Variants in FRMD4A observed in about 807,000 individuals in gnomAD.
FRMD4A encodes FERM domain containing 4A, also known as FERM domain-containing protein 4A.
A neutral mutation model predicts 129.1 loss-of-function variants in FRMD4A; 29 were observed. The ratio of observed to expected loss-of-function variants is 0.22; its 90% CI spans 0.17 to 0.31. The LOEUF is 0.31. FRMD4A is among the 10% of genes least tolerant of loss of function. The pLI is 1.00. For missense variants in FRMD4A, 1,272 were observed against 1,375.8 expected, an observed-to-expected ratio of 0.92 and a Z score of 1.19; for synonymous variants, 634 against 571.6, an observed-to-expected ratio of 1.11 and a Z score of -1.56.
intron 2 of FRMD4A, among the ~76,000 whole-genome samples, chr10:14,056,600 T>G (rs1359657735): frequency 1.3e-5 from 2 of 152,138 alleles, no homozygotes; most frequent in East Asian, 3.9e-4. Flanking sequence ...GGCCCCAGTA[T>G]TTCTCCAGTC....
At chr10:14,126,512 C>T (rs116397890) in intron 2 of FRMD4A, among the ~76,000 whole-genome samples, 1,665 of 152,222 alleles carry the variant, frequency 0.011, 34 homozygotes, top group African/African-American at 0.037. Context: ...CCAGTCCCTC[C>T]GCTTTCTCCA....
intron 14 of FRMD4A, 39 bp from the exon 15 acceptor site, chr10:13,694,078 C>T (rs769948816): frequency 1.3e-6 from 2 of 1,487,656 alleles, no homozygotes; most frequent in Non-Finnish European, 1.8e-6. Flanking sequence ...AAGTGACGCT[C>T]ACCTTGCGGA....
intron 2 of FRMD4A, among the ~76,000 whole-genome samples, chr10:14,232,802 A>T (rs758198196): frequency 6.6e-6 from 1 of 152,222 alleles, no homozygotes; most frequent in Admixed American, 6.5e-5. Context: ...GAAGTTGGTT[A>T]TCAGATCTAA....
chr10:14,028,142 G>A lies in FRMD4A; in HGVS notation c.46-169230C>T, dbSNP rs75094407. Reference sequence around the variant, plus strand: ...CTAACTACCTGTTATATATTTTTTTGATAATTATGGGGACATTTTATTAAT... The same window carrying A: ...CTAACTACCTGTTATATATTTTTTTAATAATTATGGGGACATTTTATTAAT... On this transcript the variant is annotated intron_variant, in intron 2 of 24. Coordinates refer to ENST00000357447, the MANE Select transcript of FRMD4A (RefSeq NM_018027.5). 7.4e-3 allele frequency among the ~76,000 whole-genome samples: 1,123 copies of A among 152,194 alleles called. 51 individuals carry two copies. The East Asian group carries it at 0.1, about 14-fold the overall frequency.
chr10:14,105,469 T>G (rs537929421), intron 2 of FRMD4A, among the ~76,000 whole-genome samples: 1 of 152,296 alleles, frequency 6.6e-6, no homozygotes, highest in East Asian at 1.9e-4. Flanking sequence ...ATAAAATTAT[T>G]AATGGAGTTA....
chr10:14,276,323 C>A (rs1334471440), intron 2 of FRMD4A, among the ~76,000 whole-genome samples: 1 of 152,238 alleles, frequency 6.6e-6, no homozygotes, highest in Non-Finnish European at 1.5e-5. Flanking sequence ...TACGTGTGAC[C>A]AGCTTCATGA....
At chr10:14,115,883 T>C (rs1465420654) in intron 2 of FRMD4A, among the ~76,000 whole-genome samples, 1 of 152,208 alleles carries the variant, frequency 6.6e-6, no homozygotes, top group Non-Finnish European at 1.5e-5. Context: ...GCAATGCAAA[T>C]GGACTAAGAC....
chr10:14,327,838 C>A (rs532546457), intron 2 of FRMD4A, among the ~76,000 whole-genome samples: 1 of 152,182 alleles, frequency 6.6e-6, no homozygotes, highest in Non-Finnish European at 1.5e-5. Context: ...TGAGCAGACA[C>A]GCGATAAATA....
chr10:13,988,968 C>T (rs975881938), intron 2 of FRMD4A, among the ~76,000 whole-genome samples: 3 of 152,210 alleles, frequency 2.0e-5, no homozygotes, highest in African/African-American at 7.2e-5. Flanking sequence ...GTAAAACCCC[C>T]AGATGATTCC....
intron 2 of FRMD4A, among the ~76,000 whole-genome samples, chr10:14,098,692 G>A (rs1375164880): frequency 6.6e-6 from 1 of 152,138 alleles, no homozygotes; most frequent in African/African-American, 2.4e-5. Context: ...ACAGGTGTGA[G>A]CCACCGCGCC....
chr10:13,691,333 G>A (rs193104537), intron 15 of FRMD4A, among the ~76,000 whole-genome samples: 156 of 152,310 alleles, frequency 1.0e-3, no homozygotes, highest in Admixed American at 2.1e-3. Context: ...ATCTCAGGAG[G>A]TTTGGGGCTC....
intron 2 of FRMD4A, among the ~76,000 whole-genome samples, chr10:14,075,447 T>G (rs942782569): frequency 3.9e-5 from 6 of 152,194 alleles, no homozygotes; most frequent in African/African-American, 1.4e-4. Flanking sequence ...TTACGTAGCC[T>G]TCCTGGGCAC....
intron 2 of FRMD4A, among the ~76,000 whole-genome samples, chr10:13,869,356 G>C (rs1483001822): frequency 2.0e-5 from 3 of 152,248 alleles, no homozygotes; most frequent in African/African-American, 7.2e-5. Flanking sequence ...CCTACCCACA[G>C]CTCAGTTGTG....
intron 2 of FRMD4A, among the ~76,000 whole-genome samples, chr10:13,870,520 G>C (rs367766173): frequency 6.6e-6 from 1 of 152,160 alleles, no homozygotes; most frequent in Non-Finnish European, 1.5e-5. Context: ...TCTCCTCTAC[G>C]CCATGCATTC....
intron 6 of FRMD4A, among the ~76,000 whole-genome samples, chr10:13,764,495 C>T (rs1473199809): frequency 7.5e-6 from 1 of 132,722 alleles, no homozygotes; most frequent in Non-Finnish European, 1.6e-5. Flanking sequence ...ACAGAGAGAC[C>T]CTGCCTCAAA....
chr10:13,975,558 G>C lies in FRMD4A; in HGVS notation c.46-116646C>G, dbSNP rs565867776. Reference sequence around the variant, plus strand: ...TTTGTGTGGGTCATTGTGTATCTATGTGTGTGTCTGTGTCTGTCTCTGTGA... The same window carrying C: ...TTTGTGTGGGTCATTGTGTATCTATCTGTGTGTCTGTGTCTGTCTCTGTGA... On this transcript the variant is annotated intron_variant, in intron 2 of 24. Coordinates refer to ENST00000357447, the MANE Select transcript of FRMD4A (RefSeq NM_018027.5). Among the ~76,000 whole-genome samples, 4 of 151,794 alleles carry C rather than the reference G, an allele frequency of 2.6e-5. No individual in the cohort carries two copies. In the South Asian group the frequency reaches 8.4e-4, roughly 32 times the overall value.
At chr10:14,152,159 G>C (rs148367715) in intron 2 of FRMD4A, among the ~76,000 whole-genome samples, 1 of 109,192 alleles carries the variant, frequency 9.2e-6, no homozygotes, top group South Asian at 3.2e-4. Context: ...ACATAGTCTC[G>C]CTCTGTCGCC....
intron 21 of FRMD4A, among the ~76,000 whole-genome samples, chr10:13,657,854 A>C (rs1282830565): frequency 3.3e-5 from 5 of 150,170 alleles, no homozygotes. Context: ...GTATCATGTT[A>C]AACCAGATAG....
chr10:13,822,869 G>C (rs928854177), intron 3 of FRMD4A, among the ~76,000 whole-genome samples: 2 of 151,990 alleles, frequency 1.3e-5, no homozygotes, highest in African/African-American at 4.8e-5. Flanking sequence ...CCCTTTAATA[G>C]CTCCTTCTCT....
Sources: allele counts gnomAD v4.1 joint callset (sites outside exome capture counted in the v4.1 genomes callset), GRCh38; gene constraint gnomAD v4.1.1; transcripts MANE v1.5; gene names NCBI Gene and HGNC (gene_info 2026-07-23, HGNC 2026-07-21).